Variants in MYO3A observed in about 807,000 individuals in gnomAD.
MYO3A encodes the protein myosin-IIIa.
A neutral mutation model predicts 192.7 loss-of-function variants in MYO3A; 180 were observed. That is an observed-to-expected ratio of 0.93 (90% confidence interval 0.83 to 1.06). MYO3A has a LOEUF of 1.06. Ranked by LOEUF, MYO3A falls within the 50% of genes least tolerant of loss-of-function variation. MYO3A has a pLI of 0.00. For missense variants in MYO3A, 1,896 were observed against 1,905.0 expected (o/e 1.00, Z 0.09); for synonymous variants, 628 against 645.3 (o/e 0.97, Z 0.41).
At chr10:26,168,043 G>A (rs536553706) in intron 27 of MYO3A, among the ~76,000 whole-genome samples, 1 of 152,188 alleles carries the variant, frequency 6.6e-6, no homozygotes, top group Non-Finnish European at 1.5e-5. Flanking sequence ...CTCCTCCCTT[G>A]CTCCAATTGA....
chr10:26,155,537 TGTGGAGGAG>T (rs1841064070), intron 25 of MYO3A, among the ~76,000 whole-genome samples: 1 of 152,206 alleles, frequency 6.6e-6, no homozygotes, highest in Non-Finnish European at 1.5e-5. Flanking sequence ...TGTAATTTAA[TGTGGAGGAG>T]GTGGAGGAAA....
At chr10:25,992,988 G>T (rs1840155021) in intron 4 of MYO3A, among the ~76,000 whole-genome samples, 1 of 152,244 alleles carries the variant, frequency 6.6e-6, no homozygotes, top group South Asian at 2.1e-4. Flanking sequence ...TTGCATCTCT[G>T]CCAGGCTTTG....
chr10:25,990,767 T>C (rs1442549948), intron 4 of MYO3A, among the ~76,000 whole-genome samples: 1 of 150,748 alleles, frequency 6.6e-6, no homozygotes, highest in African/African-American at 2.4e-5. Context: ...CGATGTTTGG[T>C]TTTTTGTCCT....
Position 26,131,072 on chromosome 10 carries a change from C to T in MYO3A, c.2262+2534C>T, listed in dbSNP as rs113083769. Among the ~76,000 whole-genome samples the T allele has an allele frequency of 1.1e-4, 17 of 152,246 alleles. 1 individual carries two copies. Among genetic ancestry groups the T allele is most frequent in the African/African-American group, 4.1e-4 (17 of 41,550 alleles). On this transcript the variant is annotated intron_variant, in intron 20 of 34. Coordinates refer to ENST00000642920, the MANE Select transcript of MYO3A (RefSeq NM_017433.5). Reference sequence around the variant, plus strand: ...ACTTTCATGAGACTTACAAATGATCCGGCCAGATCTCGGCACAAGTCTTGG... The same window carrying T: ...ACTTTCATGAGACTTACAAATGATCTGGCCAGATCTCGGCACAAGTCTTGG...
intron 20 of MYO3A, among the ~76,000 whole-genome samples, chr10:26,129,769 C>A (rs1036507667): frequency 2.5e-4 from 38 of 152,230 alleles, no homozygotes; most frequent in African/African-American, 8.9e-4. Context: ...TGTCTTAATT[C>A]TTTTTGTCTT....
chr10:26,065,605 A>AAAACAT (rs1834782851), intron 10 of MYO3A, among the ~76,000 whole-genome samples: 4 of 118,726 alleles, frequency 3.4e-5, no homozygotes, highest in Non-Finnish European at 7.2e-5. Context: ...AAAAAAAAAA[A>AAAACAT]AAAAAAAAGT....
At chr10:26,205,589 G>T (rs1843884917) in intron 34 of MYO3A, among the ~76,000 whole-genome samples, 1 of 146,922 alleles carries the variant, frequency 6.8e-6, no homozygotes, top group South Asian at 2.2e-4. Flanking sequence ...GTTAAAAATG[G>T]CAGGATTTCT....
In MYO3A at chr10:25,954,223, A is replaced by G. The variant is rs182939151; in HGVS notation, c.169-651A>G. On this transcript the variant is annotated intron_variant, in intron 3 of 34. Transcript: ENST00000642920. ...ATGTCACTGTAAAAGCAGTATTAAT[A>G]AGGCTTTCTCTTATTTATTGCTGTA... Among the ~76,000 whole-genome samples the G allele has an allele frequency of 1.2e-4, 18 of 152,272 alleles. No individual in the cohort carries two copies. The East Asian group carries it at 3.5e-3, about 29-fold the overall frequency.
At chr10:25,955,033 T>A in intron 4 of MYO3A, 25 bp downstream of exon 4, 1 of 1,611,360 alleles carries the variant, frequency 6.2e-7, no homozygotes, top group East Asian at 2.2e-5. Context: ...ATCATTTGTA[T>A]GGGTGGAAAC....
At chr10:25,977,810 G>A (rs1839050439) in intron 4 of MYO3A, among the ~76,000 whole-genome samples, 1 of 151,906 alleles carries the variant, frequency 6.6e-6, no homozygotes, top group African/African-American at 2.4e-5. Context: ...AAAGAGAAAG[G>A]CATTTCTCCT....
intron 14 of MYO3A, among the ~76,000 whole-genome samples, chr10:26,075,761 GTC>G (rs780022413): frequency 2.5e-4 from 35 of 140,698 alleles, no homozygotes; most frequent in Non-Finnish European, 3.5e-4. Context: ...ATATATATAT[GTC>G]TCTCTCATAT....
intron 10 of MYO3A, among the ~76,000 whole-genome samples, chr10:26,039,979 G>GTT (rs148509688): frequency 1.3e-5 from 2 of 150,140 alleles, no homozygotes; most frequent in Non-Finnish European, 3.0e-5. Context: ...TTTATTTGAA[G>GTT]TTTTTTTTTA....
intron 4 of MYO3A, among the ~76,000 whole-genome samples, chr10:25,985,736 C>G (rs1260374732): frequency 6.6e-6 from 1 of 152,098 alleles, no homozygotes; most frequent in African/African-American, 2.4e-5. Flanking sequence ...CAGGATCAGA[C>G]AGATTCACAG....
chr10:26,166,222 G>T, intron 27 of MYO3A, 44 bp downstream of exon 27: 2 of 1,426,870 alleles, frequency 1.4e-6, no homozygotes, highest in East Asian at 2.3e-5. Context: ...TAATTATGCT[G>T]GGTTCACTGA....
chr10:26,165,160 G>A (rs576171738), intron 26 of MYO3A, among the ~76,000 whole-genome samples: 1 of 152,114 alleles, frequency 6.6e-6, no homozygotes, highest in African/African-American at 2.4e-5. Context: ...TGAGGAAATT[G>A]ATACTTAATT....
intron 10 of MYO3A, among the ~76,000 whole-genome samples, chr10:26,051,102 G>A (rs1255642496): frequency 1.3e-5 from 2 of 152,140 alleles, no homozygotes; most frequent in Admixed American, 6.6e-5. Flanking sequence ...CTCCACAGAG[G>A]CAGCCAGCAT....
chr10:26,088,645 A>G lies in MYO3A; in HGVS notation c.1562+240A>G, dbSNP rs760161852. Among the ~76,000 whole-genome samples the G allele has an allele frequency of 3.5e-4, 53 of 152,246 alleles. 1 individual carries two copies. The highest frequency in any genetic ancestry group is 6.9e-4 in the Non-Finnish European group (47 of 68,034). ...GCTGCCAGATAGAAAACCTAAGCCCATCATAGAGGTACTAACAGCGTAAAT... is the reference window on the plus strand; with the variant it reads ...GCTGCCAGATAGAAAACCTAAGCCCGTCATAGAGGTACTAACAGCGTAAAT... On this transcript the variant is annotated intron_variant, in intron 15 of 34. Transcript: ENST00000642920.
intron 10 of MYO3A, among the ~76,000 whole-genome samples, chr10:26,047,323 A>G (rs1843688132): frequency 9.3e-6 from 1 of 107,214 alleles, no homozygotes; most frequent in Admixed American, 9.0e-5. Context: ...TAGAGAGAGA[A>G]AAAAAGACAC....
chr10:26,070,040 A>T, intron 12 of MYO3A, 71 bp from the exon 13 acceptor site: 1 of 1,104,978 alleles, frequency 9.0e-7, no homozygotes, highest in Non-Finnish European at 1.3e-6. Flanking sequence ...AATTGGAGCT[A>T]TATTTGTAAA....
Sources: gnomAD v4.1 joint callset for allele counts (sites outside exome capture counted in the v4.1 genomes callset) on GRCh38, gnomAD v4.1.1 for gene constraint, MANE v1.5 for transcripts, NCBI Gene and HGNC (gene_info 2026-07-23, HGNC 2026-07-21) for gene names.